The following SBK1 variants were observed in gnomAD, a reference collection of about 807,000 sequenced individuals.
The protein encoded by SBK1 is SH3 domain binding kinase 1.
In SBK1, 11 loss-of-function variants were observed where a neutral mutation model predicts 24.4. The observed-to-expected ratio is 0.45, with a 90% CI of 0.28 to 0.75. The LOEUF (loss-of-function observed/expected upper bound fraction) is 0.75. Among genes scored for constraint, SBK1 ranks in the 30% least tolerant of loss-of-function variants. SBK1 has a pLI of 0.12. For synonymous variants in SBK1, 308 were observed against 284.4 expected (o/e 1.08, Z -0.83); for missense variants, 467 against 620.5 (o/e 0.75, Z 2.63).
At chr16:28,314,277 C>T (rs2044776084) in intron 1 of SBK1, among the ~76,000 whole-genome samples, 1 of 151,350 alleles carries the variant, frequency 6.6e-6, no homozygotes, top group South Asian at 2.1e-4. Context: ...CTGCTTCAGC[C>T]TCCTGAGTAG....
intron 1 of SBK1, among the ~76,000 whole-genome samples, chr16:28,316,640 A>G (rs1377859206): frequency 6.6e-6 from 1 of 152,074 alleles, no homozygotes; most frequent in African/African-American, 2.4e-5. Context: ...AGGTGCAGCA[A>G]ACTACCATGG....
Position 28,317,521 on chromosome 16 carries a change from C to T in SBK1, c.130C>T (p.Leu44=). Residue 44 remains leucine (L), a synonymous_variant, in exon 2 of 4, where the codon CTG becomes TTG. Transcript: ENST00000341901. This position sits in a 1 kb window ranked among gnomAD's most constrained non-coding sequence, Gnocchi z 4.2. ...CATGCAGGCCCTGACTCTCCGCACA[C>T]TGGCCGCCAGCGACGTCACCAAGCA... The part of the protein sequence containing the change: ...EDMQALTLRT[L]AASDVTKHYE... The T allele has an allele frequency of 6.2e-7, 1 of 1,614,216 alleles. No individual in the cohort carries two copies. Among genetic ancestry groups the T allele is most frequent in the Non-Finnish European group, 8.5e-7 (1 of 1,180,050 alleles).
chr16:28,288,894 G>C (rs1035757982), upstream of SBK1, among the ~76,000 whole-genome samples: 1 of 152,174 alleles, frequency 6.6e-6, no homozygotes, highest in African/African-American at 2.4e-5. Flanking sequence ...CCCTCTTTGG[G>C]GACCAGGACT....
Position 28,279,434 on chromosome 16 carries a change from A to C in SBK1, c.257+19932A>C, listed in dbSNP as rs1024103129. 4.1e-5 allele frequency among the ~76,000 whole-genome samples: 6 copies of C among 147,596 alleles called. No homozygotes were observed. In the East Asian group the frequency reaches 5.8e-4, roughly 14 times the overall value. ...AAACCAAAAAAAAAAAAAAAAAAAAACCACCATCACAGGCTGGGAGAAAGA... is the reference window on the plus strand; with the variant it reads ...AAACCAAAAAAAAAAAAAAAAAAAACCCACCATCACAGGCTGGGAGAAAGA... On this transcript the variant is annotated intron_variant, in intron 1 of 3. Coordinates refer to the SBK1 transcript ENST00000671413.
In SBK1 at chr16:28,319,044, G is replaced by A. The variant is rs946267400; in HGVS notation, c.276G>A (p.Lys92=). The change falls in exon 3 of 4, where the codon AAG becomes AAA. Residue 92 remains lysine (K), a synonymous_variant. Transcript: ENST00000341901. This position sits in a 1 kb window ranked among gnomAD's most constrained non-coding sequence, Gnocchi z 4.0. The part of the protein sequence containing the change: ...KFVNKSKTKL[K]NFLREVSITN... ...TGAACAAGAGCAAAACCAAGCTGAA[G>A]AACTTCCTACGGGAGGTGAGCATCA... 7 of 1,614,054 alleles carry A rather than the reference G, an allele frequency of 4.3e-6. No individual in the cohort carries two copies. The highest frequency in any genetic ancestry group is 1.6e-4 in the Middle Eastern group (1 of 6,082).
intron 1 of SBK1, among the ~76,000 whole-genome samples, chr16:28,316,328 A>G (rs1471174005): frequency 6.6e-6 from 1 of 152,156 alleles, no homozygotes; most frequent in African/African-American, 2.4e-5. Context: ...CGATCGTAAT[A>G]TACAACTGAT....
chr16:28,311,294 C>T (rs1365265114), intron 1 of SBK1, among the ~76,000 whole-genome samples: 1 of 152,084 alleles, frequency 6.6e-6, no homozygotes, highest in Admixed American at 6.5e-5. Flanking sequence ...TGCTGTTCAG[C>T]AGAGACAGGA....
upstream of SBK1, chr16:28,291,474 T>C (rs1014537886): frequency 1.3e-5 from 2 of 152,032 alleles, no homozygotes; most frequent in Admixed American, 1.3e-4. Context: ...AACCTGCATG[T>C]TGTGCATATG....
intron 1 of SBK1, among the ~76,000 whole-genome samples, chr16:28,312,869 C>T (rs956774348): frequency 6.6e-6 from 1 of 152,070 alleles, no homozygotes; most frequent in Non-Finnish European, 1.5e-5. Context: ...TGCGGTGGCT[C>T]ACGCCTATAA....
At chr16:28,280,572 G>C (rs1401264807) in intron 1 of SBK1, among the ~76,000 whole-genome samples, 1 of 151,946 alleles carries the variant, frequency 6.6e-6, no homozygotes, top group Non-Finnish European at 1.5e-5. Flanking sequence ...TGGCTGACAA[G>C]GGATGGGGCC....
intron 1 of SBK1, among the ~76,000 whole-genome samples, chr16:28,283,913 A>T (rs778734613): frequency 4.6e-5 from 7 of 151,812 alleles, no homozygotes; most frequent in Non-Finnish European, 1.0e-4. Context: ...CTCTGCTGGC[A>T]TCCAGAGTGC....
Position 28,320,280 on chromosome 16 carries a change from A to G in SBK1, c.634A>G (p.Ile212Val). The G allele has an allele frequency of 6.3e-7, 1 of 1,590,394 alleles. No homozygotes were observed. The highest frequency in any genetic ancestry group is 8.5e-7 in the Non-Finnish European group (1 of 1,174,000). ...GCRVKRVSGTIPYTAPEVCQA... is the reference protein window; with the variant it reads ...GCRVKRVSGTVPYTAPEVCQA... ...CCGCGTCAAGCGCGTGAGCGGCACCATCCCTTACACGGCGCCTGAGGTGTG... is the reference window on the plus strand; with the variant it reads ...CCGCGTCAAGCGCGTGAGCGGCACCGTCCCTTACACGGCGCCTGAGGTGTG... Residue 212 changes from isoleucine (I) to valine (V), a missense_variant, in exon 4 of 4, where the codon ATC becomes GTC. Physicochemically the swap from Ile to Val is conservative, Grantham distance 29 (BLOSUM62 3). Around this residue, in one of 4 missense-constraint regions of SBK1, gnomAD observed 92 missense variants for 193.8 expected, o/e 0.47. Transcript: ENST00000341901. This position sits in a 1 kb window ranked among gnomAD's most constrained non-coding sequence, Gnocchi z 8.5.
At chr16:28,268,960 A>C (rs2044446585) in intron 1 of SBK1, among the ~76,000 whole-genome samples, 1 of 151,984 alleles carries the variant, frequency 6.6e-6, no homozygotes, top group African/African-American at 2.4e-5. Flanking sequence ...CTGCTGTGGC[A>C]GATCTCAAAG....
intron 1 of SBK1, among the ~76,000 whole-genome samples, chr16:28,276,961 G>A (rs77436586): frequency 0.28 from 42,914 of 152,008 alleles, 7,754 homozygotes; most frequent in Non-Finnish European, 0.41. Flanking sequence ...ACAGCTCCCG[G>A]GCGGTGGATT....
intron 1 of SBK1, among the ~76,000 whole-genome samples, chr16:28,276,942 G>A (rs559853770): frequency 7.2e-4 from 110 of 152,242 alleles, no homozygotes; most frequent in African/African-American, 2.5e-3. Context: ...GGGATTACAG[G>A]CGTGAGCCAC....
At chr16:28,303,503 T>G (rs1441621354) in intron 1 of SBK1, among the ~76,000 whole-genome samples, 1 of 137,192 alleles carries the variant, frequency 7.3e-6, no homozygotes, top group Non-Finnish European at 1.5e-5. Context: ...TTTTCTTTTC[T>G]TTTCTTTTTT....
In SBK1 at chr16:28,319,366, G is replaced by C. The variant is rs532557549; in HGVS notation, c.429+169G>C. ...TGCAGTAAGGAAGACAAAAGTCCCT[G>C]TTCTAGTGGGAAACTGACACTCCAC... On this transcript the variant is annotated intron_variant, in intron 3 of 3. Transcript: ENST00000341901. This position sits in a 1 kb window ranked among gnomAD's most constrained non-coding sequence, Gnocchi z 4.0. Among the ~76,000 whole-genome samples the C allele has an allele frequency of 8.5e-5, 13 of 152,266 alleles. No individual in the cohort carries two copies. In the South Asian group the frequency reaches 2.7e-3, roughly 32 times the overall value.
chr16:28,275,520 A>G (rs1309047630), intron 1 of SBK1, among the ~76,000 whole-genome samples: 1 of 152,180 alleles, frequency 6.6e-6, no homozygotes, highest in Non-Finnish European at 1.5e-5. Flanking sequence ...GGGGCCCAGA[A>G]ATGGCTCAAG....
Position 28,311,678 on chromosome 16 carries a change from T to A in SBK1, c.-7-5707T>A, listed in dbSNP as rs565454557. Among the ~76,000 whole-genome samples, 4 of 149,284 alleles carry A rather than the reference T, an allele frequency of 2.7e-5. No individual in the cohort carries two copies. The East Asian group carries it at 7.8e-4, about 29-fold the overall frequency. On this transcript the variant is annotated intron_variant, in intron 1 of 3. Transcript: ENST00000341901. ...ATGATCTGCACTCCAGCCTGGGCAATAGAGCAAGATCCTATTTCTAAAAAA... is the reference window on the plus strand; with the variant it reads ...ATGATCTGCACTCCAGCCTGGGCAAAAGAGCAAGATCCTATTTCTAAAAAA...
Sources: gnomAD v4.1 joint callset for allele counts (sites outside exome capture counted in the v4.1 genomes callset) on GRCh38, gnomAD v4.1.1 for gene constraint, gnomAD v4.1.1 regional missense constraint, Gnocchi (gnomAD v3.1) non-coding constraint, MANE v1.5 for transcripts, NCBI Gene and HGNC (gene_info 2026-07-23, HGNC 2026-07-21) for gene names.